The following SLC2A14 variants were observed in gnomAD, a reference collection of about 807,000 sequenced individuals.
The protein encoded by SLC2A14 is solute carrier family 2, facilitated glucose transporter member 14.
A neutral mutation model predicts 43.0 loss-of-function variants in SLC2A14; 13 were observed. That is an observed-to-expected ratio of 0.30 (90% CI 0.20 to 0.48). The LOEUF (loss-of-function observed/expected upper bound fraction) is 0.48. Among genes scored for constraint, SLC2A14 ranks in the 20% least tolerant of loss-of-function variants. The pLI, the probability that SLC2A14 is intolerant of heterozygous loss-of-function variation, is 0.99. For missense variants in SLC2A14, 428 were observed against 620.4 expected, an observed-to-expected ratio of 0.69 and a Z score of 3.29; for synonymous variants, 190 against 233.8, an observed-to-expected ratio of 0.81 and a Z score of 1.71.
intron 1 of SLC2A14, among the ~76,000 whole-genome samples, chr12:7,882,075 C>T (rs756365937): frequency 2.3e-4 from 35 of 152,192 alleles, no homozygotes; most frequent in African/African-American, 8.2e-4. Flanking sequence ...GTTGGCCTCC[C>T]TTTCTACACT....
At chr12:7,845,834 G>A (rs1351061678) in intron 2 of SLC2A14, among the ~76,000 whole-genome samples, 1 of 149,276 alleles carries the variant, frequency 6.7e-6, no homozygotes, top group Non-Finnish European at 1.5e-5. Context: ...GCTCACGCCT[G>A]TAATCGCAGC....
chr12:7,824,697 C>T (rs149488727), intron 7 of SLC2A14, among the ~76,000 whole-genome samples: 2,802 of 144,620 alleles, frequency 0.019, 82 homozygotes, highest in African/African-American at 0.067. Flanking sequence ...TGTGCCACTA[C>T]ACTCCAGCCG....
intron 1 of SLC2A14, chr12:7,890,889 C>G (rs778621312): frequency 1.9e-5 from 24 of 1,288,836 alleles, no homozygotes; most frequent in Middle Eastern, 1.9e-4. Context: ...ACTTAACACA[C>G]TGTGCTGATT....
At chr12:7,849,115 A>G (rs1866713214) in intron 2 of SLC2A14, among the ~76,000 whole-genome samples, 1 of 151,636 alleles carries the variant, frequency 6.6e-6, no homozygotes, top group African/African-American at 2.4e-5. Flanking sequence ...TCCGTCTCCC[A>G]AAGTGCTGGG....
chr12:7,842,467 CG>C (rs1338514983), intron 2 of SLC2A14, among the ~76,000 whole-genome samples: 2 of 152,170 alleles, frequency 1.3e-5, no homozygotes, highest in African/African-American at 4.8e-5. Flanking sequence ...GGCCGAGAAG[CG>C]GGAAAAGACT....
At chr12:7,888,490 G>A (rs746166003) in intron 1 of SLC2A14, among the ~76,000 whole-genome samples, 1 of 151,972 alleles carries the variant, frequency 6.6e-6, no homozygotes, top group African/African-American at 2.4e-5. Flanking sequence ...AGGCATAGTT[G>A]ACAAAGATGT....
chr12:7,826,868 TCTTTCTTTCTTTCTTTCTTTC>T lies in SLC2A14; in HGVS notation c.864+606_864+626del, dbSNP rs1864437945. ...TTCCTTCCTTCCTTTCTTTTTTCTTTCTTTCTTTCTTTCTTTCTTTCTTTCTTTCTTTCTTTCTTTCTTTCT... is the reference window on the plus strand; with the variant it reads ...TTCCTTCCTTCCTTTCTTTTTTCTTTTTTCTTTCTTTCTTTCTTTCTTTCT... On this transcript the variant is annotated intron_variant, in intron 7 of 10. Transcript: ENST00000431042. Among the ~76,000 whole-genome samples, 7 of 51,120 alleles carry T rather than the reference TCTTTCTTTCTTTCTTTCTTTC, an allele frequency of 1.4e-4. 2 individuals are homozygous for T. Among genetic ancestry groups the T allele is most frequent in the African/African-American group, 5.4e-4 (7 of 12,968 alleles). The allele number at this position is 51,120 out of a possible 152,430, so 33.5% of individuals were successfully genotyped here.
intron 2 of SLC2A14, among the ~76,000 whole-genome samples, chr12:7,842,722 CTT>C (rs59107341): frequency 1.1e-4 from 16 of 139,548 alleles, no homozygotes; most frequent in East Asian, 6.4e-4. Context: ...TTCTTTTTCT[CTT>C]TTTTTTTTTT....
rs1555121668 is a variant in SLC2A14, at chr12:7,826,861, T to TTTTTTCTTTCTTTCTTTC, written c.864+633_864+634insGAAAGAAAGAAAGAAAAA. On this transcript the variant is annotated intron_variant, in intron 7 of 10. Coordinates refer to ENST00000431042, the MANE Select transcript of SLC2A14 (RefSeq NM_001286234.2). Reference sequence around the variant, plus strand: ...TCCTTCCTTCCTTCCTTCCTTTCTTTTTTCTTTCTTTCTTTCTTTCTTTCT... The same window carrying TTTTTTCTTTCTTTCTTTC: ...TCCTTCCTTCCTTCCTTCCTTTCTTTTTTTTCTTTCTTTCTTTCTTTCTTTCTTTCTTTCTTTCTTTCT... 3.3e-4 allele frequency among the ~76,000 whole-genome samples: 20 copies of TTTTTTCTTTCTTTCTTTC among 60,320 alleles called. 1 individual carries two copies. The highest frequency in any genetic ancestry group is 8.8e-4 in the Admixed American group (5 of 5,686). 39.6% of individuals were successfully genotyped at this position (60,320 alleles called of 152,430 possible). A position where few individuals can be genotyped will look rare whatever the true frequency, so the allele number is the denominator to read the frequency against.
At chr12:7,846,798 A>AT (rs1330836364) in intron 2 of SLC2A14, among the ~76,000 whole-genome samples, 1 of 150,900 alleles carries the variant, frequency 6.6e-6, no homozygotes, top group Non-Finnish European at 1.5e-5. Context: ...CACCCGCCTA[A>AT]TTTTTTTGTA....
At position 7,869,313 on chromosome 12, in the gene SLC2A14, T is replaced by C. The variant is rs530960699; in HGVS notation, c.18+550A>G. On this transcript the variant is annotated intron_variant, in intron 2 of 10. Coordinates refer to ENST00000431042, the MANE Select transcript of SLC2A14 (RefSeq NM_001286234.2). ...CCAGAGGTGAGCACATGTGGCAAAT[T>C]AGGCATTACGTAACTTAACCACCAG... Among the ~76,000 whole-genome samples, 13 of 152,202 alleles carry C rather than the reference T, an allele frequency of 8.5e-5. No individual in the cohort carries two copies. The South Asian group carries it at 1.9e-3, about 22-fold the overall frequency.
intron 2 of SLC2A14, among the ~76,000 whole-genome samples, chr12:7,842,476 ACTT>A (rs1464629595): frequency 5.3e-5 from 8 of 152,286 alleles, no homozygotes; most frequent in South Asian, 4.1e-4. Flanking sequence ...GCGGGAAAAG[ACTT>A]CTTCTATACA....
At chr12:7,885,597 G>A (rs757500896) in intron 1 of SLC2A14, among the ~76,000 whole-genome samples, 13 of 150,466 alleles carry the variant, frequency 8.6e-5, no homozygotes, top group African/African-American at 3.2e-4. Context: ...TCTGAGCAGT[G>A]CTTCTCTAAT....
chr12:7,854,009 C>T (rs769104243), intron 2 of SLC2A14, among the ~76,000 whole-genome samples: 3 of 152,072 alleles, frequency 2.0e-5, no homozygotes, highest in Non-Finnish European at 4.4e-5. Flanking sequence ...TGGGTTGTCT[C>T]GTAAGTTAGT....
intron 10 of SLC2A14, among the ~76,000 whole-genome samples, chr12:7,816,756 G>A (rs1210267195): frequency 6.6e-6 from 1 of 151,920 alleles, no homozygotes; most frequent in Non-Finnish European, 1.5e-5. Flanking sequence ...CACCCAGGCT[G>A]GAGTGTCATG....
chr12:7,846,549 A>G (rs1052239855), intron 2 of SLC2A14, among the ~76,000 whole-genome samples: 4 of 152,068 alleles, frequency 2.6e-5, no homozygotes, highest in African/African-American at 9.7e-5. Context: ...TGTATCACTT[A>G]AAGTATGGTG....
chr12:7,865,348 T>C lies in SLC2A14; in HGVS notation c.18+4515A>G, dbSNP rs887596153. ...GTCAGGAGATCGAGACCATCCTGGC[T>C]AACATGGTGGAACCCCATCTCTACT... On this transcript the variant is annotated intron_variant, in intron 2 of 10. Coordinates refer to ENST00000431042, the MANE Select transcript of SLC2A14 (RefSeq NM_001286234.2). Among the ~76,000 whole-genome samples the C allele has an allele frequency of 5.3e-5, 8 of 152,026 alleles. No homozygotes were observed. In the East Asian group the frequency reaches 7.8e-4, roughly 15 times the overall value.
At chr12:7,862,264 C>CAAAAAA (rs71038792) in intron 2 of SLC2A14, among the ~76,000 whole-genome samples, 3 of 58,882 alleles carry the variant, frequency 5.1e-5, no homozygotes, top group Non-Finnish European at 9.2e-5. Context: ...ACTTGTCTCT[C>CAAAAAA]AAAAAAAAAA....
Position 7,832,710 on chromosome 12 carries a change from C to T in SLC2A14, c.111+12G>A. On this transcript the variant is annotated intron_variant, in intron 3 of 10. Coordinates refer to ENST00000431042, the MANE Select transcript of SLC2A14 (RefSeq NM_001286234.2). Reference sequence around the variant, plus strand: ...CTATTCCAGATTCTAATTCTTGTGGCCTGGCACTCACCGTCTCAGGAGCAT... The same window carrying T: ...CTATTCCAGATTCTAATTCTTGTGGTCTGGCACTCACCGTCTCAGGAGCAT... 1 of 1,612,880 alleles carries T rather than the reference C, an allele frequency of 6.2e-7. No homozygotes were observed. The highest frequency in any genetic ancestry group is 1.1e-5 in the South Asian group (1 of 91,028).
Sources: allele counts gnomAD v4.1 joint callset (sites outside exome capture counted in the v4.1 genomes callset), GRCh38; gene constraint gnomAD v4.1.1; transcripts MANE v1.5; gene names NCBI Gene and HGNC (gene_info 2026-07-23, HGNC 2026-07-21).